TCF4: variants seen among roughly 807,000 people sequenced by gnomAD.
TCF4 encodes the protein transcription factor 4.
In TCF4, 3 loss-of-function variants were observed where a neutral mutation model predicts 82.1. That is an observed-to-expected ratio of 0.04 (90% CI 0.02 to 0.09). The LOEUF (loss-of-function observed/expected upper bound fraction) is 0.09, where lower values mean the gene tolerates loss of function less well. Among genes scored for constraint, TCF4 ranks in the 10% least tolerant of loss-of-function variants. TCF4 has a pLI of 1.00. For synonymous variants in TCF4, 276 were observed against 309.6 expected (o/e 0.89, Z 1.14); for missense variants, 518 against 852.7 (o/e 0.61, Z 4.89).
At chr18:55,568,472 C>T (rs894045943) in intron 3 of TCF4, among the ~76,000 whole-genome samples, 2 of 151,522 alleles carry the variant, frequency 1.3e-5, no homozygotes, top group Admixed American at 1.3e-4. Flanking sequence ...AGAGAGAAAA[C>T]TGACATATAT....
chr18:55,413,144 T>C (rs1455001354), intron 5 of TCF4, among the ~76,000 whole-genome samples: 13 of 152,108 alleles, frequency 8.5e-5, no homozygotes, highest in Admixed American at 7.9e-4. Flanking sequence ...GACATGACAA[T>C]GTTATATACG....
intron 8 of TCF4, 152 bp from the exon 9 acceptor site, chr18:55,279,808 C>CTAA: frequency 8.2e-7 from 1 of 1,224,638 alleles, no homozygotes; most frequent in Non-Finnish European, 1.1e-6. Flanking sequence ...CCTTTCCGAA[C>CTAA]ACACTAAAAC....
intron 3 of TCF4, among the ~76,000 whole-genome samples, chr18:55,541,770 T>C (rs1188892824): frequency 1.3e-5 from 2 of 152,024 alleles, no homozygotes; most frequent in East Asian, 3.8e-4. Flanking sequence ...TCCCTGATTA[T>C]GAAGCCACAC....
At position 55,379,585 on chromosome 18, in the gene TCF4, T is replaced by C. The variant is rs79591847; in HGVS notation, c.369+23869A>G. Among the ~76,000 whole-genome samples, 426 of 152,240 alleles carry C rather than the reference T, an allele frequency of 2.8e-3. 2 individuals carry two copies. Among genetic ancestry groups the C allele is most frequent in the African/African-American group, 9.7e-3 (402 of 41,550 alleles). On this transcript the variant is annotated intron_variant, in intron 6 of 19. Transcript: ENST00000354452. ...GGAAGGGGACCAGCCTCCAAGTGCATAGCCATTCCCCAGGAACAACGAACA... is the reference window on the plus strand; with the variant it reads ...GGAAGGGGACCAGCCTCCAAGTGCACAGCCATTCCCCAGGAACAACGAACA...
intron 15 of TCF4, among the ~76,000 whole-genome samples, chr18:55,248,246 C>T (rs936716746): frequency 1.3e-5 from 2 of 152,188 alleles, no homozygotes; most frequent in East Asian, 1.9e-4. Context: ...TGACAGAACA[C>T]TAGAGAAGGC....
chr18:55,468,301 T>C (rs187341092), intron 3 of TCF4, among the ~76,000 whole-genome samples: 3 of 152,302 alleles, frequency 2.0e-5, no homozygotes, highest in African/African-American at 7.2e-5. Flanking sequence ...GTCAAAACTT[T>C]AGAAGCTATT....
intron 6 of TCF4, among the ~76,000 whole-genome samples, chr18:55,396,940 A>G (rs1264961763): frequency 6.6e-6 from 1 of 152,242 alleles, no homozygotes; most frequent in African/African-American, 2.4e-5. Context: ...TAAATGTGGA[A>G]GGAATGATGG....
At chr18:55,401,186 A>C in intron 6 of TCF4, 1 of 1,220,930 alleles carries the variant, frequency 8.2e-7, no homozygotes, top group South Asian at 1.5e-5. Flanking sequence ...CTATTCTCAA[A>C]TTTCACAGAA....
intron 3 of TCF4, among the ~76,000 whole-genome samples, chr18:55,564,871 C>T (rs183744437): frequency 6.6e-6 from 1 of 152,170 alleles, no homozygotes; most frequent in African/African-American, 2.4e-5. Flanking sequence ...CTCCCAACAA[C>T]CCTATTTCTA....
At chr18:55,321,604 T>C in intron 8 of TCF4, 1 of 1,535,088 alleles carries the variant, frequency 6.5e-7, no homozygotes, top group East Asian at 2.4e-5. Flanking sequence ...GATCACCACC[T>C]AGGATGCTCA....
intron 3 of TCF4, among the ~76,000 whole-genome samples, chr18:55,545,531 CT>C (rs2097198971): frequency 6.6e-6 from 1 of 152,136 alleles, no homozygotes; most frequent in Non-Finnish European, 1.5e-5. Context: ...TCACTGCAAC[CT>C]CTGCCTCCCG....
chr18:55,501,469 CA>C (rs1290306755), intron 3 of TCF4, among the ~76,000 whole-genome samples: 1 of 151,998 alleles, frequency 6.6e-6, no homozygotes, highest in Non-Finnish European at 1.5e-5. Context: ...GAAAATAAAG[CA>C]ACTGAAAAGA....
At chr18:55,540,326 A>G (rs1428460332) in intron 3 of TCF4, among the ~76,000 whole-genome samples, 4 of 152,232 alleles carry the variant, frequency 2.6e-5, no homozygotes, top group African/African-American at 7.2e-5. Flanking sequence ...AAAAAACAGA[A>G]TATTGTTTTC....
At chr18:55,575,292 A>G (rs1485999180) in intron 3 of TCF4, among the ~76,000 whole-genome samples, 1 of 152,222 alleles carries the variant, frequency 6.6e-6, no homozygotes, top group Admixed American at 6.5e-5. Context: ...ATAATGTCCA[A>G]GAGGGCACAT....
intron 6 of TCF4, among the ~76,000 whole-genome samples, chr18:55,388,146 T>C (rs754012452): frequency 5.9e-5 from 9 of 152,204 alleles, no homozygotes; most frequent in Non-Finnish European, 1.0e-4. Flanking sequence ...ACAACAAGGT[T>C]ACAAAATTAA....
chr18:55,466,327 C>G (rs78876689), intron 3 of TCF4, among the ~76,000 whole-genome samples: 3 of 152,022 alleles, frequency 2.0e-5, no homozygotes, highest in Non-Finnish European at 4.4e-5. Context: ...AAGATTCTGT[C>G]GCTACAAAAA....
intron 5 of TCF4, 82 bp from the exon 6 acceptor site, chr18:55,403,600 T>C (rs772741146): frequency 1.9e-5 from 30 of 1,613,008 alleles, no homozygotes; most frequent in Non-Finnish European, 2.5e-5. Context: ...CATCTACTGC[T>C]CTTCCCCGAT....
intron 6 of TCF4, among the ~76,000 whole-genome samples, 175 bp downstream of exon 6, chr18:55,403,279 A>G (rs1178683317): frequency 6.6e-6 from 1 of 152,222 alleles, no homozygotes; most frequent in Non-Finnish European, 1.5e-5. Flanking sequence ...TCTAAAGATG[A>G]GGTGTTTATT....
intron 8 of TCF4, among the ~76,000 whole-genome samples, chr18:55,287,412 A>C (rs554803194): frequency 6.6e-6 from 1 of 152,358 alleles, no homozygotes; most frequent in South Asian, 2.1e-4. Context: ...AAATAATTTC[A>C]GCCAAGAGGC....
Sources: gnomAD v4.1 joint callset for allele counts (sites outside exome capture counted in the v4.1 genomes callset) on GRCh38, gnomAD v4.1.1 for gene constraint, MANE v1.5 for transcripts, NCBI Gene and HGNC (gene_info 2026-07-23, HGNC 2026-07-21) for gene names.